Variants in DCHS2 observed in about 807,000 individuals in gnomAD.
The protein encoded by DCHS2 is protocadherin-23.
In DCHS2, 142 loss-of-function variants were observed where a neutral mutation model predicts 182.4. The ratio of observed to expected loss-of-function variants is 0.78; its 90% CI spans 0.68 to 0.89. DCHS2 has a LOEUF of 0.89. Among genes scored for constraint, DCHS2 ranks in the 40% least tolerant of loss-of-function variants. DCHS2 has a pLI of 0.00. For missense variants in DCHS2, 4,319 were observed against 4,198.6 expected (o/e 1.03, Z -0.79); for synonymous variants, 1,740 against 1,663.3 (o/e 1.05, Z -1.12).
At chr4:154,271,428 C>T (rs766618592) in intron 13 of DCHS2, among the ~76,000 whole-genome samples, 37 of 152,138 alleles carry the variant, frequency 2.4e-4, no homozygotes, top group Middle Eastern at 6.8e-3. Flanking sequence ...CTTTATTTAC[C>T]AAAATAAGTG....
At chr4:154,348,273 A>G (rs1729449702) in intron 3 of DCHS2, among the ~76,000 whole-genome samples, 1 of 152,002 alleles carries the variant, frequency 6.6e-6, no homozygotes, top group African/African-American at 2.4e-5. Context: ...ACTAATTTAA[A>G]TATTCAGTTT....
At chr4:154,290,570 G>C (rs530451769) in intron 13 of DCHS2, among the ~76,000 whole-genome samples, 149 of 102,504 alleles carry the variant, frequency 1.5e-3, no homozygotes, top group African/African-American at 4.1e-3. Flanking sequence ...AAACAGCATG[G>C]TTCTGGCATA....
At chr4:154,417,284 G>C (rs1029944402) in intron 1 of DCHS2, among the ~76,000 whole-genome samples, 15 of 148,584 alleles carry the variant, frequency 1.0e-4, no homozygotes, top group Non-Finnish European at 1.5e-5. Context: ...CATTCTTCCC[G>C]TTTACAGTGC....
chr4:154,415,336 C>T (rs990762539), intron 1 of DCHS2, among the ~76,000 whole-genome samples: 15 of 152,112 alleles, frequency 9.9e-5, no homozygotes, highest in Non-Finnish European at 4.4e-5. Context: ...TAATTGGAGC[C>T]CATGACTCAT....
intron 1 of DCHS2, among the ~76,000 whole-genome samples, chr4:154,397,814 G>T (rs775305885): frequency 6.6e-6 from 1 of 152,162 alleles, no homozygotes; most frequent in Non-Finnish European, 1.5e-5. Flanking sequence ...TTCTCAAAAT[G>T]AGGAGATGAG....
At chr4:154,436,287 C>T (rs889424868) in intron 1 of DCHS2, among the ~76,000 whole-genome samples, 3 of 152,114 alleles carry the variant, frequency 2.0e-5, no homozygotes, top group African/African-American at 7.2e-5. Flanking sequence ...CTTACACTGC[C>T]CATTTTTCTT....
intron 1 of DCHS2, among the ~76,000 whole-genome samples, chr4:154,416,570 C>T (rs1293349223): frequency 5.3e-5 from 8 of 152,152 alleles, no homozygotes; most frequent in Non-Finnish European, 1.2e-4. Context: ...AGGCTCTAGC[C>T]GGACATTTCT....
In DCHS2 at chr4:154,234,762, G is replaced by C. The variant is rs61746111; in HGVS notation, c.9890C>G (p.Pro3297Arg). The change falls in exon 20 of 20, where the codon CCG becomes CGG. Residue 3297 changes from proline (P) to arginine (R), a missense_variant. Physicochemically the swap from Pro to Arg is moderately radical, Grantham distance 103 (BLOSUM62 -2). Transcript: ENST00000357232. ...PGIKAVPPRM[P>R]AVNLGQVPPK... ...AGGCACCTGCCCCAGGTTTACTGCC[G>C]GCATTCTTGGTGGGACTGCTTTAAT... The C allele has an allele frequency of 6.2e-7, 1 of 1,613,978 alleles. No homozygotes were observed.
At chr4:154,275,629 C>A (rs1024893865) in intron 13 of DCHS2, among the ~76,000 whole-genome samples, 2 of 152,020 alleles carry the variant, frequency 1.3e-5, no homozygotes, top group African/African-American at 4.8e-5. Flanking sequence ...CTTCCGGGTA[C>A]AATTTATTTC....
intron 1 of DCHS2, among the ~76,000 whole-genome samples, chr4:154,385,145 T>G (rs1188757762): frequency 1.4e-5 from 2 of 143,846 alleles, no homozygotes; most frequent in African/African-American, 5.1e-5. Flanking sequence ...CATTGTTCAA[T>G]TCCCACCTAT....
Position 154,491,496 on chromosome 4 carries a change from C to G in DCHS2, c.-141G>C. The G allele has an allele frequency of 7.1e-7, 1 of 1,404,490 alleles. No homozygotes were observed. The allele number at this position is 1,404,490 out of a possible 1,614,324, so 87.0% of individuals were successfully genotyped here. ...CAAACAAACCGACGGCCCAGGAATTCCCGAGGTTACATCTGCAACTGGTGA... is the reference window on the plus strand; with the variant it reads ...CAAACAAACCGACGGCCCAGGAATTGCCGAGGTTACATCTGCAACTGGTGA... On this transcript the variant is annotated 5_prime_UTR_variant, in exon 1 of 20. Transcript: ENST00000357232.
chr4:154,382,664 C>A (rs1731223764), intron 1 of DCHS2, among the ~76,000 whole-genome samples: 1 of 152,042 alleles, frequency 6.6e-6, no homozygotes, highest in African/African-American at 2.4e-5. Context: ...AAACAAATAA[C>A]CCCATTAAAA....
At chr4:154,270,035 A>C in intron 13 of DCHS2, 22 bp from the exon 14 acceptor site, 1 of 1,584,068 alleles carries the variant, frequency 6.3e-7, no homozygotes, top group Non-Finnish European at 8.5e-7. Flanking sequence ...AGGTAAAAAA[A>C]GAACTCCATT....
chr4:154,253,188 A>T (rs1459868154), intron 16 of DCHS2, among the ~76,000 whole-genome samples: 2,497 of 147,498 alleles, frequency 0.017, 57 homozygotes, highest in African/African-American at 0.061. Flanking sequence ...AGAGAGAGAG[A>T]GAGAGTGTGT....
chr4:154,296,781 C>T (rs1337041700), intron 13 of DCHS2, among the ~76,000 whole-genome samples: 1 of 152,068 alleles, frequency 6.6e-6, no homozygotes, highest in Non-Finnish European at 1.5e-5. Flanking sequence ...CAAGTGGTGC[C>T]TACTCATAGA....
At position 154,490,847 on chromosome 4, in the gene DCHS2, T is replaced by C. The variant is rs1728801881; in HGVS notation, c.509A>G (p.Asp170Gly). 2 of 1,550,796 alleles carry C rather than the reference T, an allele frequency of 1.3e-6. No individual in the cohort carries two copies. The highest frequency in any genetic ancestry group is 8.7e-7 in the Non-Finnish European group (1 of 1,146,832). The change falls in exon 1 of 20, where the codon GAC becomes GGC. Residue 170 changes from aspartate (D) to glycine (G), a missense_variant. By Grantham distance (94) the Asp-to-Gly change is moderately conservative (BLOSUM62 -1). Coordinates refer to ENST00000357232, the MANE Select transcript of DCHS2 (RefSeq NM_001358235.2). ...VNDHSPRFPLDSLQLDVSELS... is the reference protein window; with the variant it reads ...VNDHSPRFPLGSLQLDVSELS... Reference sequence around the variant, plus strand: ...CTCGGAGACGTCGAGTTGCAGGGAGTCGAGGGGAAAGCGGGGCGAGTGGTC... The same window carrying C: ...CTCGGAGACGTCGAGTTGCAGGGAGCCGAGGGGAAAGCGGGGCGAGTGGTC...
intron 3 of DCHS2, among the ~76,000 whole-genome samples, chr4:154,338,793 C>G (rs1728933056): frequency 6.6e-6 from 1 of 152,106 alleles, no homozygotes; most frequent in South Asian, 2.1e-4. Context: ...AAAGACTTTA[C>G]ACACTACATT....
chr4:154,272,109 T>A (rs1338888999), intron 13 of DCHS2: 1 of 152,164 alleles, frequency 6.6e-6, no homozygotes. Context: ...CATACAATTG[T>A]TATTGCAGAG....
At chr4:154,305,381 C>G (rs1191625923) in intron 10 of DCHS2, 150 bp from the exon 11 acceptor site, 1 of 1,073,464 alleles carries the variant, frequency 9.3e-7, no homozygotes, top group African/African-American at 1.6e-5. Context: ...AAGAAAACCT[C>G]TTTTGGCTGT....
Sources: gnomAD v4.1 joint callset for allele counts (sites outside exome capture counted in the v4.1 genomes callset) on GRCh38, gnomAD v4.1.1 for gene constraint, MANE v1.5 for transcripts, NCBI Gene and HGNC (gene_info 2026-07-23, HGNC 2026-07-21) for gene names.